Variants in KMT2A observed in about 807,000 individuals in gnomAD.
KMT2A encodes the protein histone-lysine N-methyltransferase 2A.
In KMT2A, 16 loss-of-function variants were observed where a neutral mutation model predicts 345.3. That is an observed-to-expected ratio of 0.05 (90% CI 0.03 to 0.07). The LOEUF (loss-of-function observed/expected upper bound fraction) is 0.07. Ranked by LOEUF, KMT2A falls within the 10% of genes least tolerant of loss-of-function variation. The pLI is 1.00. For missense variants in KMT2A, 3,272 were observed against 4,841.6 expected (o/e 0.68, Z 9.62); for synonymous variants, 1,599 against 1,778.6 (o/e 0.90, Z 2.54).
rs544470638 is a variant in KMT2A at position 118,484,646 on chromosome 11, C to T, written c.4219-216C>T. 2.6e-5 allele frequency among the ~76,000 whole-genome samples: 4 copies of T among 152,306 alleles called. No homozygotes were observed. The highest frequency in any genetic ancestry group is 4.4e-5 in the Non-Finnish European group (3 of 68,032). On this transcript the variant is annotated intron_variant, in intron 9 of 35. Coordinates refer to ENST00000534358, the MANE Select transcript of KMT2A (RefSeq NM_001197104.2). The surrounding 1 kb of genome is among the most constrained non-coding windows in gnomAD (Gnocchi z 4.1). ...GAGAAATTCAATCCCAGTGTATTTT[C>T]GCAATATATTCAATATGAATTGAAC...
rs1392283948 is a variant in KMT2A, at chr11:118,483,454, A to AC, written c.4087-726dup. On this transcript the variant is annotated intron_variant, in intron 8 of 35. Transcript: ENST00000534358. ...AGAGTGAGGCAGGAGAATGGCGTGA[A>AC]CCCGGGGGGCGGAGCCTGCAGTGAG... Among the ~76,000 whole-genome samples the AC allele has an allele frequency of 2.0e-5, 3 of 151,938 alleles. No homozygotes were observed. In the South Asian group the frequency reaches 6.2e-4, roughly 32 times the overall value.
intron 1 of KMT2A, 68 bp downstream of exon 1, chr11:118,437,012 C>A: frequency 2.9e-6 from 4 of 1,361,942 alleles, no homozygotes; most frequent in Non-Finnish European, 3.8e-6. Context: ...CCTCCCCCAT[C>A]CGGGATTGAG....
Position 118,503,584 on chromosome 11 carries a change from C to T in KMT2A, c.7692C>T (p.Ala2564=), listed in dbSNP as rs1350516389. The T allele has an allele frequency of 1.5e-5, 25 of 1,614,042 alleles. No homozygotes were observed. Among genetic ancestry groups the T allele is most frequent in the Non-Finnish European group, 2.0e-5 (24 of 1,180,012 alleles). Residue 2564 remains alanine (A), a synonymous_variant, in exon 27 of 36, where the codon GCC becomes GCT. Transcript: ENST00000534358. This position sits in a 1 kb window ranked among gnomAD's most constrained non-coding sequence, Gnocchi z 5.3. ...CATCTCCCACAGAACCAATTTCAGC[C>T]TCTGAAAATCCAGGAGATGGTCCAG... ...ESTSPTEPIS[A]SENPGDGPVA...
At position 118,499,402 on chromosome 11, in the gene KMT2A, A is replaced by G; in HGVS notation, c.6061A>G (p.Asn2021Asp). 6.3e-7 allele frequency: 1 copy of G among 1,595,208 alleles called. No individual in the cohort carries two copies. The highest frequency in any genetic ancestry group is 1.7e-5 in the Admixed American group (1 of 59,584). ...RKFLNGLEPE[N>D]IHMMIGSMTI... ...GTTTCTCAATGGCTTGGAACCAGAA[A>G]ATATCCACATGATGATTGGTATGAC... is the stretch of plus-strand genomic sequence containing the variant. The change falls in exon 23 of 36, where the codon AAT becomes GAT. Residue 2021 changes from asparagine (N) to aspartate (D), a missense_variant. Physicochemically the swap from Asn to Asp is conservative, Grantham distance 23. Around this residue, in one of 27 missense-constraint regions of KMT2A, gnomAD observed 235 missense variants for 503.4 expected, o/e 0.47. Coordinates refer to ENST00000534358, the MANE Select transcript of KMT2A (RefSeq NM_001197104.2).
At chr11:118,450,866 C>G (rs1949521756) in intron 1 of KMT2A, 2 of 152,132 alleles carry the variant, frequency 1.3e-5, no homozygotes, top group Admixed American at 6.5e-5. Context: ...AACTATTTGG[C>G]TTAAGAAGTT....
intron 12 of KMT2A, 62 bp downstream of exon 12, chr11:118,489,949 A>G (rs1363667531): frequency 1.3e-6 from 2 of 1,499,200 alleles, no homozygotes; most frequent in African/African-American, 2.8e-5. Context: ...GACTTATGTA[A>G]CTTGTATTAC....
chr11:118,486,521 C>G (rs1346907035), intron 10 of KMT2A, among the ~76,000 whole-genome samples: 2 of 152,032 alleles, frequency 1.3e-5, no homozygotes, highest in African/African-American at 4.8e-5. Context: ...TCTTAAATTC[C>G]TGGCAGATAC....
At position 118,494,849 on chromosome 11, in the gene KMT2A, C is replaced by A; in HGVS notation, c.5363+82C>A. Reference sequence around the variant, plus strand: ...CTCATATTTCTAGATTGCAGTTTTCCAAAAGGTTTTAATACTAGAAATGAA... The same window carrying A: ...CTCATATTTCTAGATTGCAGTTTTCAAAAAGGTTTTAATACTAGAAATGAA... On this transcript the variant is annotated intron_variant, in intron 18 of 35. Coordinates refer to ENST00000534358, the MANE Select transcript of KMT2A (RefSeq NM_001197104.2). This position sits in a 1 kb window ranked among gnomAD's most constrained non-coding sequence, Gnocchi z 5.8. The A allele has an allele frequency of 8.8e-7, 1 of 1,133,428 alleles. No individual in the cohort carries two copies. Among genetic ancestry groups the A allele is most frequent in the Non-Finnish European group, 1.3e-6 (1 of 760,582 alleles). 70.2% of individuals were successfully genotyped at this position (1,133,428 alleles called of 1,614,324 possible).
At chr11:118,453,625 A>G (rs1268212191) in intron 1 of KMT2A, among the ~76,000 whole-genome samples, 1 of 152,108 alleles carries the variant, frequency 6.6e-6, no homozygotes, top group Non-Finnish European at 1.5e-5. Context: ...AACACTGACT[A>G]CTTCTCAGAG....
chr11:118,459,597 C>A (rs1450176739), intron 1 of KMT2A, among the ~76,000 whole-genome samples: 7 of 152,080 alleles, frequency 4.6e-5, no homozygotes. Context: ...AGCTCTGGAG[C>A]CTCCATCTTA....
chr11:118,521,195 G>T lies in KMT2A; in HGVS notation c.11514-93G>T. 1 of 1,373,266 alleles carries T rather than the reference G, an allele frequency of 7.3e-7. No individual in the cohort carries two copies. The highest frequency in any genetic ancestry group is 1.3e-5 in the South Asian group (1 of 77,132). The allele number at this position is 1,373,266 out of a possible 1,614,324, so 85.1% of individuals were successfully genotyped here. ...TTCTCAAGTATATGTCCCTCCTGGG[G>T]AACTAACAGACCAGGAGAACTTATT... On this transcript the variant is annotated intron_variant, in intron 34 of 35. Coordinates refer to ENST00000534358, the MANE Select transcript of KMT2A (RefSeq NM_001197104.2). The surrounding 1 kb of genome is among the most constrained non-coding windows in gnomAD (Gnocchi z 5.3).
chr11:118,509,414 T>G (rs1164652323), intron 29 of KMT2A, among the ~76,000 whole-genome samples: 1 of 152,198 alleles, frequency 6.6e-6, no homozygotes, highest in Non-Finnish European at 1.5e-5. Context: ...ACCTGTCAGC[T>G]AAGGACTCAA....
intron 1 of KMT2A, among the ~76,000 whole-genome samples, chr11:118,462,312 TTTTTG>T (rs202080031): frequency 4.6e-5 from 7 of 152,144 alleles, no homozygotes; most frequent in East Asian, 3.9e-4. Context: ...TTACTTAGTT[TTTTTG>T]TTTTGTTTTG....
intron 1 of KMT2A, among the ~76,000 whole-genome samples, chr11:118,466,677 T>C (rs1234584434): frequency 6.6e-6 from 1 of 151,778 alleles, no homozygotes; most frequent in Non-Finnish European, 1.5e-5. Context: ...TAGCCAGGTG[T>C]GGTGGCACAC....
rs372465982 is a variant in KMT2A, at chr11:118,480,255, G to T, written c.3634+17G>T. ...AAGCTAAAGGTAGTGTTGTTAAAAA[G>T]GTCTTCCCCCAAATGCTCCTTGCTT... On this transcript the variant is annotated intron_variant, in intron 6 of 35. Transcript: ENST00000534358. 8 of 1,604,826 alleles carry T rather than the reference G, an allele frequency of 5.0e-6. No individual in the cohort carries two copies. In the African/African-American group the frequency reaches 1.1e-4, roughly 21 times the overall value.
intron 10 of KMT2A, 90 bp downstream of exon 10, chr11:118,485,065 G>A (rs1950205653): frequency 1.2e-6 from 1 of 812,220 alleles, no homozygotes; most frequent in Admixed American, 2.2e-5. Flanking sequence ...TTGGTATTTA[G>A]CAGGTACTAT....
rs1338296364 is a variant in KMT2A, at chr11:118,511,994, A to G, written c.11115A>G (p.Ser3705=). 1.2e-6 allele frequency: 2 copies of G among 1,614,048 alleles called. No homozygotes were observed. The highest frequency in any genetic ancestry group is 2.7e-5 in the African/African-American group (2 of 74,920). Reference sequence around the variant, plus strand: ...CAGATAAAGTCCAGGAAGCTCGATCAAATGCCCGCCTAAAGCAGCTCTCAT... The same window carrying G: ...CAGATAAAGTCCAGGAAGCTCGATCGAATGCCCGCCTAAAGCAGCTCTCAT... ...SLTDKVQEAR[S]NARLKQLSFA... The change falls in exon 31 of 36, where the codon TCA becomes TCG. Residue 3705 remains serine, a synonymous_variant. Transcript: ENST00000534358.
Position 118,503,073 on chromosome 11 carries a change from C to T in KMT2A, c.7181C>T (p.Ser2394Phe), listed in dbSNP as rs1555046419. 6.2e-7 allele frequency: 1 copy of T among 1,612,924 alleles called. No homozygotes were observed. Among genetic ancestry groups the T allele is most frequent in the Admixed American group, 1.7e-5 (1 of 60,022 alleles). The change falls in exon 27 of 36, where the codon TCC becomes TTC. Residue 2394 changes from serine to phenylalanine, a missense_variant. By Grantham distance (155) the Ser-to-Phe change is radical. Coordinates refer to ENST00000534358, the MANE Select transcript of KMT2A (RefSeq NM_001197104.2). The surrounding 1 kb of genome is among the most constrained non-coding windows in gnomAD (Gnocchi z 5.3). Reference sequence around the variant, plus strand: ...ACAGATTCTACCCAATCAGCAAACTCCTCTCCAGATGAAGATACTGAAGTC... The same window carrying T: ...ACAGATTCTACCCAATCAGCAAACTTCTCTCCAGATGAAGATACTGAAGTC... ...QHTDSTQSAN[S>F]SPDEDTEVKT...
chr11:118,454,835 T>A (rs1367271089), intron 1 of KMT2A, among the ~76,000 whole-genome samples: 1 of 151,886 alleles, frequency 6.6e-6, no homozygotes. Flanking sequence ...TTTAAAAAAA[T>A]GGTTAATTTT....
Sources: allele counts gnomAD v4.1 joint callset (sites outside exome capture counted in the v4.1 genomes callset), GRCh38; gene constraint gnomAD v4.1.1; regional missense constraint gnomAD v4.1.1; non-coding constraint Gnocchi (gnomAD v3.1); transcripts MANE v1.5; gene names NCBI Gene and HGNC (gene_info 2026-07-23, HGNC 2026-07-21).